Variants in RHOBTB2 observed in about 807,000 individuals in gnomAD.
The protein encoded by RHOBTB2 is Rho related BTB domain containing 2.
A neutral mutation model predicts 66.5 loss-of-function variants in RHOBTB2; 39 were observed. That is an observed-to-expected ratio of 0.59 (90% CI 0.45 to 0.77). RHOBTB2 has a LOEUF of 0.77. Among genes scored for constraint, RHOBTB2 ranks in the 30% least tolerant of loss-of-function variants. The probability of loss-of-function intolerance (pLI) is 0.00; values close to 1 mark genes in which losing one functional copy is unlikely to be tolerated. For synonymous variants in RHOBTB2, 390 were observed against 395.0 expected, an observed-to-expected ratio of 0.99 and a Z score of 0.15; for missense variants, 755 against 999.1, an observed-to-expected ratio of 0.76 and a Z score of 3.29.
At chr8:23,014,208 T>G (rs2128807542) in intron 7 of RHOBTB2, among the ~76,000 whole-genome samples, 1 of 152,382 alleles carries the variant, frequency 6.6e-6, no homozygotes, top group African/African-American at 2.4e-5. Flanking sequence ...GGGTGTTTAC[T>G]TCTTCAATAT....
At position 22,999,835 on chromosome 8, in the gene RHOBTB2, G is replaced by A; in HGVS notation, c.-281G>A. ...GCCGCCGTGACATTGGGCGCCTGGC[G>A]CGCGGGGCGATGCTGATCCGGAAGG... On this transcript the variant is annotated 5_prime_UTR_variant, in exon 1 of 10. Coordinates refer to ENST00000251822, the MANE Select transcript of RHOBTB2 (RefSeq NM_015178.3). 2 of 984,448 alleles carry A rather than the reference G, an allele frequency of 2.0e-6. No homozygotes were observed. The highest frequency in any genetic ancestry group is 1.7e-5 in the African/African-American group (1 of 57,178). The allele number at this position is 984,448 out of a possible 1,614,324, so 61.0% of individuals were successfully genotyped here.
intron 2 of RHOBTB2, 151 bp from the exon 3 acceptor site, chr8:23,005,221 G>A: frequency 1.6e-6 from 1 of 607,180 alleles, no homozygotes; most frequent in Non-Finnish European, 3.0e-6. Context: ...TGAAAGTTGT[G>A]CAGGGTGCAC....
At chr8:22,984,593 C>T (rs991019043), upstream of RHOBTB2, 4 of 152,152 alleles carry the variant, frequency 2.6e-5, no homozygotes, top group African/African-American at 9.7e-5. Flanking sequence ...ACTCTTAAAC[C>T]CACCTGATCA....
Position 23,010,189 on chromosome 8 carries a change from C to T in RHOBTB2, c.1621-349C>T, listed in dbSNP as rs138405155. Among the ~76,000 whole-genome samples, 549 of 152,286 alleles carry T rather than the reference C, an allele frequency of 3.6e-3. 3 individuals carry two copies. The highest frequency in any genetic ancestry group is 0.012 in the African/African-American group (517 of 41,538). On this transcript the variant is annotated intron_variant, in intron 6 of 9. Coordinates refer to ENST00000251822, the MANE Select transcript of RHOBTB2 (RefSeq NM_015178.3). Reference sequence around the variant, plus strand: ...TAGAAGCTGGACGCCATGGCTTGTGCCTATAGTCCCAGCTACTGAGGAGGC... The same window carrying T: ...TAGAAGCTGGACGCCATGGCTTGTGTCTATAGTCCCAGCTACTGAGGAGGC...
intron 7 of RHOBTB2, among the ~76,000 whole-genome samples, chr8:23,011,884 G>A (rs150081341): frequency 0.046 from 7,001 of 152,262 alleles, 218 homozygotes; most frequent in Admixed American, 0.074. Flanking sequence ...GATCAAGATC[G>A]GGGCTCAGAT....
the RHOBTB2 span, among the ~76,000 whole-genome samples, chr8:22,981,380 G>C: frequency 2.6e-5 from 4 of 152,218 alleles, no homozygotes; most frequent in African/African-American, 9.6e-5. Context: ...GTCTGGGGGA[G>C]CTACCCGCAG....
Position 23,005,382 on chromosome 8 carries a change from G to A in RHOBTB2, c.203G>A (p.Arg68His). 2 of 1,613,258 alleles carry A rather than the reference G, an allele frequency of 1.2e-6. No homozygotes were observed. The highest frequency in any genetic ancestry group is 1.7e-6 in the Non-Finnish European group (2 of 1,179,372). The change falls in exon 3 of 10, where the codon CGC becomes CAC. Residue 68 changes from arginine to histidine, a missense_variant. Physicochemically the swap from Arg to His is conservative, Grantham distance 29. Coordinates refer to ENST00000251822, the MANE Select transcript of RHOBTB2 (RefSeq NM_015178.3). ...CCTCCCCGTCCCCAGGTGCTGGAACGCTCCCGAGACGTGGTAGATGATGTC... is the reference window on the plus strand; with the variant it reads ...CCTCCCCGTCCCCAGGTGCTGGAACACTCCCGAGACGTGGTAGATGATGTC... ...QYRVCQEVLE[R>H]SRDVVDDVSV...
chr8:22,981,957 G>A, the RHOBTB2 span, among the ~76,000 whole-genome samples: 3 of 152,272 alleles, frequency 2.0e-5, no homozygotes, highest in African/African-American at 4.8e-5. Flanking sequence ...CCTGCCCCCC[G>A]ATACCAGGCG....
At chr8:22,971,366 G>A in the RHOBTB2 span, among the ~76,000 whole-genome samples, 1 of 147,992 alleles carries the variant, frequency 6.8e-6, no homozygotes. Flanking sequence ...TTTTTTTTAA[G>A]TAGAGGTGAG....
intron 6 of RHOBTB2, among the ~76,000 whole-genome samples, chr8:23,010,000 C>CTT (rs1811088750): frequency 6.6e-6 from 1 of 152,200 alleles, no homozygotes; most frequent in Admixed American, 6.5e-5. Flanking sequence ...AAATCAGCTG[C>CTT]TGTGGGCCTT....
At chr8:22,996,118 T>C (rs946790248), upstream of RHOBTB2, among the ~76,000 whole-genome samples, 1 of 152,190 alleles carries the variant, frequency 6.6e-6, no homozygotes, top group Non-Finnish European at 1.5e-5. Context: ...CAGGCAGGCA[T>C]CTGCCCGGCT....
intron 1 of RHOBTB2, among the ~76,000 whole-genome samples, chr8:23,002,834 G>A (rs539448276): frequency 3.3e-5 from 5 of 152,324 alleles, no homozygotes; most frequent in South Asian, 2.1e-4. Context: ...CCAAAAAGGC[G>A]GAGGAGGTTG....
chr8:22,993,499 G>A (rs1268400124), intron 2 of RHOBTB2, among the ~76,000 whole-genome samples: 1 of 152,172 alleles, frequency 6.6e-6, no homozygotes, highest in Non-Finnish European at 1.5e-5. Flanking sequence ...AGTTAGAAGG[G>A]TGTCAGTGCT....
At chr8:22,995,700 T>G (rs1810531782), upstream of RHOBTB2, 2 of 714,104 alleles carry the variant, frequency 2.8e-6, no homozygotes, top group Admixed American at 4.7e-5. Context: ...GCTCTGCATC[T>G]TGAAATGCCT....
Position 23,006,972 on chromosome 8 carries a change from ATCGTGGTGC to A in RHOBTB2, c.728_736del (p.Ile243_Pro246delinsThr). 6.2e-7 allele frequency: 1 copy of A among 1,610,602 alleles called. No homozygotes were observed. On this transcript the variant is annotated inframe_deletion, in exon 5 of 10. Coordinates refer to ENST00000251822, the MANE Select transcript of RHOBTB2 (RefSeq NM_015178.3). This position sits in a 1 kb window ranked among gnomAD's most constrained non-coding sequence, Gnocchi z 6.1. ...ACCCCCCAAGCCACCGCCCCCGATC[ATCGTGGTGC>A]CCGACCCTCCCTCCAGCAGCGAGGA...
chr8:22,978,479 C>T, the RHOBTB2 span, among the ~76,000 whole-genome samples: 1 of 141,732 alleles, frequency 7.1e-6, no homozygotes, highest in Non-Finnish European at 1.5e-5. Context: ...AGAGCGAGAT[C>T]TGTCTCAAAA....
chr8:22,964,565 A>C, the RHOBTB2 span, among the ~76,000 whole-genome samples: 3 of 152,158 alleles, frequency 2.0e-5, no homozygotes, highest in African/African-American at 7.2e-5. Context: ...GACCAGTGCC[A>C]TCATGATGCC....
At chr8:22,985,861 C>T (rs1253144592), upstream of RHOBTB2, among the ~76,000 whole-genome samples, 1 of 152,140 alleles carries the variant, frequency 6.6e-6, no homozygotes, top group Non-Finnish European at 1.5e-5. Context: ...TTCTAGAACC[C>T]ACTCAGGCTC....
Position 23,017,369 on chromosome 8 carries a change from G to A in RHOBTB2, c.2084G>A (p.Arg695Gln), listed in dbSNP as rs372327810. 17 of 1,614,042 alleles carry A rather than the reference G, an allele frequency of 1.1e-5. No homozygotes were observed. Among genetic ancestry groups the A allele is most frequent in the Middle Eastern group, 1.6e-4 (1 of 6,084 alleles). The change falls in exon 10 of 10, where the codon CGG becomes CAG. Residue 695 changes from arginine to glutamine, a missense_variant. Around this residue, in one of 7 missense-constraint regions of RHOBTB2, gnomAD observed 353 missense variants for 458.2 expected, o/e 0.77. Coordinates refer to ENST00000251822, the MANE Select transcript of RHOBTB2 (RefSeq NM_015178.3). The surrounding 1 kb of genome is among the most constrained non-coding windows in gnomAD (Gnocchi z 5.3). The part of the protein sequence containing the change: ...REKEDYLHLK[R>Q]QPKRRWLFWN... ...AAGGAGGACTACCTCCACCTCAAGCGGCAGCCCAAACGGCGTTGGCTCTTC... is the reference window on the plus strand; with the variant it reads ...AAGGAGGACTACCTCCACCTCAAGCAGCAGCCCAAACGGCGTTGGCTCTTC...
Sources: gnomAD v4.1 joint callset for allele counts (sites outside exome capture counted in the v4.1 genomes callset) on GRCh38, gnomAD v4.1.1 for gene constraint, gnomAD v4.1.1 regional missense constraint, Gnocchi (gnomAD v3.1) non-coding constraint, MANE v1.5 for transcripts, NCBI Gene and HGNC (gene_info 2026-07-23, HGNC 2026-07-21) for gene names.